The following ADAMTS3 variants were observed in gnomAD, a reference collection of about 807,000 sequenced individuals.
ADAMTS3 encodes the protein ADAM metallopeptidase with thrombospondin type 1 motif 3, also known as A disintegrin and metalloproteinase with thrombospondin motifs 3.
In ADAMTS3, 73 loss-of-function variants were observed where a neutral mutation model predicts 129.0. The observed-to-expected ratio is 0.57, with a 90% CI of 0.47 to 0.69. ADAMTS3 has a LOEUF of 0.69. Ranked by LOEUF, ADAMTS3 falls within the 30% of genes least tolerant of loss-of-function variation. The pLI, the probability that ADAMTS3 is intolerant of heterozygous loss-of-function variation, is 0.00. For synonymous variants in ADAMTS3, 477 were observed against 510.8 expected (o/e 0.93, Z 0.89); for missense variants, 1,457 against 1,514.5 (o/e 0.96, Z 0.63).
At chr4:72,334,332 G>C (rs907961101) in intron 5 of ADAMTS3, among the ~76,000 whole-genome samples, 17 of 151,876 alleles carry the variant, frequency 1.1e-4, no homozygotes, top group Non-Finnish European at 2.5e-4. Context: ...CCATATACCT[G>C]GCATATAGCA....
chr4:72,518,449 C>G (rs1278526027), intron 3 of ADAMTS3, among the ~76,000 whole-genome samples: 1 of 152,046 alleles, frequency 6.6e-6, no homozygotes, highest in Non-Finnish European at 1.5e-5. Context: ...TTAAAGTCTC[C>G]CATTTTTATT....
intron 2 of ADAMTS3, among the ~76,000 whole-genome samples, chr4:72,550,207 TGCCCTAAAA>T (rs1359424154): frequency 2.6e-5 from 4 of 151,940 alleles, no homozygotes; most frequent in African/African-American, 9.7e-5. Flanking sequence ...TGTGTTAAAG[TGCCCTAAAA>T]AATGGTATGA....
intron 4 of ADAMTS3, among the ~76,000 whole-genome samples, chr4:72,410,799 A>ATTTT (rs1722167548): frequency 2.5e-5 from 2 of 81,178 alleles, no homozygotes; most frequent in Non-Finnish European, 6.0e-5. Context: ...TCCAAATTAA[A>ATTTT]GAGTTTCAAA....
intron 2 of ADAMTS3, among the ~76,000 whole-genome samples, chr4:72,564,599 G>A (rs1249283180): frequency 6.6e-6 from 1 of 152,044 alleles, no homozygotes; most frequent in Non-Finnish European, 1.5e-5. Context: ...ACTAGGTCAG[G>A]GTTCAAAACC....
At chr4:72,379,931 A>G (rs1238263441) in intron 4 of ADAMTS3, among the ~76,000 whole-genome samples, 7 of 152,124 alleles carry the variant, frequency 4.6e-5, no homozygotes, top group Non-Finnish European at 2.9e-5. Context: ...TTACCAGCTC[A>G]ATACCTCTTG....
Position 72,281,001 on chromosome 4 carries a change from T to G in ADAMTS3, c.*2135A>C, listed in dbSNP as rs573310569. ...TGTTAACATTTTTATTGGTACGTGC[T>G]CTCAGTACAACAAACAGCATCAGTA... On this transcript the variant is annotated 3_prime_UTR_variant, in exon 22 of 22. Coordinates refer to ENST00000286657, the MANE Select transcript of ADAMTS3 (RefSeq NM_014243.3). The G allele has an allele frequency of 6.5e-5, 10 of 152,734 alleles. No individual in the cohort carries two copies. The highest frequency in any genetic ancestry group is 2.4e-4 in the African/African-American group (10 of 41,562). 9.5% of individuals were successfully genotyped at this position (152,734 alleles called of 1,614,324 possible). A position where few individuals can be genotyped will look rare whatever the true frequency, so the allele number is the denominator to read the frequency against.
At chr4:72,301,644 G>C (rs1718952464) in intron 17 of ADAMTS3, among the ~76,000 whole-genome samples, 2 of 151,910 alleles carry the variant, frequency 1.3e-5, no homozygotes, top group Admixed American at 1.3e-4. Context: ...TTTCATCCAT[G>C]AGGGAGTAAT....
rs1553906462 is a variant in ADAMTS3 at position 72,322,982 on chromosome 4, A to C, written c.945+32T>G. On this transcript the variant is annotated intron_variant, in intron 6 of 21. Transcript: ENST00000286657. Reference sequence around the variant, plus strand: ...CTTCTATTTGCTAACCCAGTCCCTAATGTTTATAATTCATGTTTTAAGACA... The same window carrying C: ...CTTCTATTTGCTAACCCAGTCCCTACTGTTTATAATTCATGTTTTAAGACA... 13 of 1,538,070 alleles carry C rather than the reference A, an allele frequency of 8.5e-6. No homozygotes were observed. The South Asian group carries it at 1.2e-4, about 15-fold the overall frequency.
intron 3 of ADAMTS3, among the ~76,000 whole-genome samples, chr4:72,470,031 C>T (rs562647037): frequency 6.6e-6 from 1 of 152,158 alleles, no homozygotes; most frequent in Non-Finnish European, 1.5e-5. Flanking sequence ...GCCCAACCTC[C>T]GCATTGATCA....
chr4:72,465,812 C>T (rs1238511131), intron 3 of ADAMTS3, among the ~76,000 whole-genome samples: 1 of 151,890 alleles, frequency 6.6e-6, no homozygotes, highest in East Asian at 1.9e-4. Context: ...GGCAGGTTTC[C>T]CCCATACTGT....
intron 4 of ADAMTS3, among the ~76,000 whole-genome samples, chr4:72,348,136 C>A (rs1036219730): frequency 2.2e-4 from 33 of 152,062 alleles, no homozygotes; most frequent in African/African-American, 8.0e-4. Flanking sequence ...CTTTATGTCA[C>A]ACTGCTCTAA....
chr4:72,423,848 T>C (rs1323378005), intron 3 of ADAMTS3, among the ~76,000 whole-genome samples: 1 of 152,066 alleles, frequency 6.6e-6, no homozygotes, highest in South Asian at 2.1e-4. Context: ...AACTCAACTA[T>C]TGAGATGCAT....
intron 2 of ADAMTS3, among the ~76,000 whole-genome samples, chr4:72,561,608 C>A (rs1721906614): frequency 6.6e-6 from 1 of 152,110 alleles, no homozygotes; most frequent in African/African-American, 2.4e-5. Flanking sequence ...ATCAATCATT[C>A]TTTTTGTTTG....
At chr4:72,375,351 C>T (rs1721109982) in intron 4 of ADAMTS3, among the ~76,000 whole-genome samples, 1 of 152,104 alleles carries the variant, frequency 6.6e-6, no homozygotes, top group Admixed American at 6.6e-5. Flanking sequence ...TTCCTGAGTG[C>T]CTACTACGTG....
intron 3 of ADAMTS3, among the ~76,000 whole-genome samples, chr4:72,498,053 A>G (rs1440651702): frequency 6.6e-6 from 1 of 152,064 alleles, no homozygotes; most frequent in Non-Finnish European, 1.5e-5. Context: ...ATGCTTCTGC[A>G]GATAATTGTG....
chr4:72,369,642 C>T (rs1489277443), intron 4 of ADAMTS3, among the ~76,000 whole-genome samples: 6 of 151,098 alleles, frequency 4.0e-5, no homozygotes, highest in Non-Finnish European at 5.9e-5. Flanking sequence ...TCCTGGTAGG[C>T]GGAGGTTGCA....
chr4:72,300,302 T>C (rs1396657146), intron 17 of ADAMTS3, among the ~76,000 whole-genome samples: 5 of 152,080 alleles, frequency 3.3e-5, no homozygotes, highest in Non-Finnish European at 7.4e-5. Flanking sequence ...AATCTCCCTC[T>C]TGTACCTCCA....
intron 2 of ADAMTS3, among the ~76,000 whole-genome samples, chr4:72,566,940 G>A (rs535618919): frequency 2.5e-4 from 38 of 152,316 alleles, no homozygotes; most frequent in African/African-American, 8.9e-4. Flanking sequence ...AAGCAGGAAA[G>A]ATTGTAAGAG....
At chr4:72,502,394 G>T (rs1321922605) in intron 3 of ADAMTS3, among the ~76,000 whole-genome samples, 1 of 152,078 alleles carries the variant, frequency 6.6e-6, no homozygotes, top group African/African-American at 2.4e-5. Flanking sequence ...TTTCTAGTTT[G>T]TGTGTACATA....
Sources: allele counts gnomAD v4.1 joint callset (sites outside exome capture counted in the v4.1 genomes callset), GRCh38; gene constraint gnomAD v4.1.1; transcripts MANE v1.5; gene names NCBI Gene and HGNC (gene_info 2026-07-23, HGNC 2026-07-21).